The following BAIAP2 variants were observed in gnomAD, a reference collection of about 807,000 sequenced individuals.
The protein encoded by BAIAP2 is BAR/IMD domain containing adaptor protein 2.
A neutral mutation model predicts 63.0 loss-of-function variants in BAIAP2; 18 were observed. That is an observed-to-expected ratio of 0.29 (90% confidence interval 0.20 to 0.42). The LOEUF (loss-of-function observed/expected upper bound fraction) is 0.42, where lower values mean the gene tolerates loss of function less well. Ranked by LOEUF, BAIAP2 falls within the 10% of genes least tolerant of loss-of-function variation. BAIAP2 has a pLI of 1.00. For missense variants in BAIAP2, 610 were observed against 734.3 expected, an observed-to-expected ratio of 0.83 and a Z score of 1.96; for synonymous variants, 386 against 307.6, an observed-to-expected ratio of 1.25 and a Z score of -2.67.
In BAIAP2 at chr17:81,053,721, G is replaced by C; in HGVS notation, c.108G>C (p.Lys36Asn). Residue 36 changes from lysine to asparagine, a missense_variant, in exon 2 of 14, where the codon AAG (lysine) becomes AAC (asparagine). Around this residue, in one of 5 missense-constraint regions of BAIAP2, gnomAD observed 389 missense variants for 455.6 expected, o/e 0.85. Transcript: ENST00000428708. ...PSLRNFIAMGKNYEKALAGVT... is the reference protein window; with the variant it reads ...PSLRNFIAMGNNYEKALAGVT... Reference sequence around the variant, plus strand: ...TCCGGAACTTCATCGCCATGGGGAAGAATTACGAGAAGGCACTGGCAGGTG... The same window carrying C: ...TCCGGAACTTCATCGCCATGGGGAACAATTACGAGAAGGCACTGGCAGGTG... 6.2e-7 allele frequency: 1 copy of C among 1,614,172 alleles called. No individual in the cohort carries two copies. Among genetic ancestry groups the C allele is most frequent in the Non-Finnish European group, 8.5e-7 (1 of 1,180,002 alleles).
intron 3 of BAIAP2, among the ~76,000 whole-genome samples, chr17:81,063,265 A>G (rs1344252633): frequency 1.3e-5 from 2 of 152,104 alleles, no homozygotes; most frequent in Non-Finnish European, 2.9e-5. Flanking sequence ...CCTTGTAGAG[A>G]TTCCAGGCTT....
chr17:81,105,365 C>T (rs2059051431), intron 10 of BAIAP2: 1 of 153,866 alleles, frequency 6.5e-6, no homozygotes, highest in Non-Finnish European at 1.4e-5. Flanking sequence ...TGGTGGGCAT[C>T]AGTTTCCCAC....
intron 6 of BAIAP2, among the ~76,000 whole-genome samples, chr17:81,092,434 G>A (rs1269041236): frequency 2.0e-5 from 3 of 152,328 alleles, no homozygotes; most frequent in African/African-American, 7.2e-5. Flanking sequence ...GGGAGGGGTG[G>A]GCGTGAGGTT....
rs375061502 is a variant in BAIAP2, at chr17:81,060,851, G to A, written c.217+2884G>A. On this transcript the variant is annotated intron_variant, in intron 3 of 13. Transcript: ENST00000428708. ...CTCTACCTCCAACAGGGCCGGGCGC[G>A]GTGGCTCACACCTGTAATCCTAGCA... 9.9e-5 allele frequency among the ~76,000 whole-genome samples: 15 copies of A among 152,142 alleles called. No individual in the cohort carries two copies. In the South Asian group the frequency reaches 1.5e-3, roughly 15 times the overall value.
At chr17:81,101,269 G>A (rs1001324491) in intron 7 of BAIAP2, among the ~76,000 whole-genome samples, 6 of 152,206 alleles carry the variant, frequency 3.9e-5, no homozygotes, top group East Asian at 1.9e-4. Flanking sequence ...CCTCAGGGAC[G>A]GGCTGCAGCA....
At chr17:81,056,628 G>C (rs1188407511) in intron 2 of BAIAP2, among the ~76,000 whole-genome samples, 1 of 152,204 alleles carries the variant, frequency 6.6e-6, no homozygotes, top group African/African-American at 2.4e-5. Flanking sequence ...GGTTCCGTTC[G>C]GGCCTTTCCG....
chr17:81,041,514 T>G (rs962811710), intron 1 of BAIAP2, among the ~76,000 whole-genome samples: 1 of 152,180 alleles, frequency 6.6e-6, no homozygotes, highest in African/African-American at 2.4e-5. Context: ...ACTGGAACAG[T>G]TGTCTTATAA....
intron 3 of BAIAP2, among the ~76,000 whole-genome samples, chr17:81,081,138 G>A (rs1183400142): frequency 6.6e-6 from 1 of 152,216 alleles, no homozygotes; most frequent in Non-Finnish European, 1.5e-5. Context: ...CCGAGAGCTG[G>A]GAGGTGGATC....
chr17:81,089,794 G>A (rs57964092), intron 6 of BAIAP2, among the ~76,000 whole-genome samples: 32,773 of 152,132 alleles, frequency 0.22, 4,122 homozygotes, highest in East Asian at 0.49. Flanking sequence ...GGGTCTGGGC[G>A]GGGACCATGT....
chr17:81,114,378 A>T (rs1252572865), intron 13 of BAIAP2, among the ~76,000 whole-genome samples: 1 of 152,092 alleles, frequency 6.6e-6, no homozygotes, highest in Admixed American at 6.5e-5. Flanking sequence ...TGGCAGGCAG[A>T]CAGGGCATGG....
chr17:81,104,802 G>A (rs2058924160), intron 10 of BAIAP2, 87 bp downstream of exon 10: 2 of 1,364,712 alleles, frequency 1.5e-6, no homozygotes, highest in East Asian at 5.1e-5. Flanking sequence ...CTGAGACCTT[G>A]TGTTTAGAGT....
At chr17:81,044,215 G>A (rs958351907) in intron 1 of BAIAP2, among the ~76,000 whole-genome samples, 1 of 152,244 alleles carries the variant, frequency 6.6e-6, no homozygotes, top group African/African-American at 2.4e-5. Flanking sequence ...CCAGCCGTGA[G>A]CCCAGCCCGA....
intron 5 of BAIAP2, 151 bp downstream of exon 5, chr17:81,085,876 G>A (rs1030679185): frequency 7.7e-6 from 5 of 649,154 alleles, no homozygotes; most frequent in Non-Finnish European, 1.3e-5. Context: ...GTCCATTTGG[G>A]ACCGAGTGCC....
chr17:81,106,175 G>A (rs1159019670), intron 11 of BAIAP2, 29 bp downstream of exon 11: 2 of 1,559,438 alleles, frequency 1.3e-6, no homozygotes, highest in Non-Finnish European at 1.7e-6. Context: ...GGGAGTGTAA[G>A]ATCCCCAGCT....
intron 1 of BAIAP2, among the ~76,000 whole-genome samples, chr17:81,044,493 G>C (rs1414800663): frequency 6.6e-6 from 1 of 152,242 alleles, no homozygotes; most frequent in African/African-American, 2.4e-5. Flanking sequence ...CCGCCCTAGT[G>C]ACCCCAGTTA....
At chr17:81,085,103 C>A in intron 4 of BAIAP2, 1 of 599,992 alleles carries the variant, frequency 1.7e-6, no homozygotes, top group Non-Finnish European at 3.0e-6. Flanking sequence ...GCATGTTTCA[C>A]TGGCTGCAGT....
In BAIAP2 at chr17:81,115,987, T is replaced by G. The variant is rs1274203045; in HGVS notation, c.*148T>G. The G allele has an allele frequency of 1.3e-6, 2 of 1,485,994 alleles. No individual in the cohort carries two copies. The highest frequency in any genetic ancestry group is 1.8e-6 in the Non-Finnish European group (2 of 1,118,830). 92.1% of individuals were successfully genotyped at this position (1,485,994 alleles called of 1,614,324 possible). The stretch of plus-strand genomic sequence containing the variant: ...CCACTTGAGTCTGGCCTGGACTGGA[T>G]CCCAGCTGTTCTAGGCAGGGCCGGG... On this transcript the variant is annotated 3_prime_UTR_variant, in exon 14 of 14. Coordinates refer to ENST00000428708, the MANE Select transcript of BAIAP2 (RefSeq NM_001144888.2).
intron 6 of BAIAP2, among the ~76,000 whole-genome samples, chr17:81,099,133 G>A (rs1294145059): frequency 2.6e-5 from 1 of 38,518 alleles, no homozygotes; most frequent in Non-Finnish European, 5.2e-5. Flanking sequence ...GGCGTGACCT[G>A]TGGATCTGAT....
intron 2 of BAIAP2, among the ~76,000 whole-genome samples, chr17:81,054,892 G>T (rs2049217229): frequency 6.6e-6 from 1 of 152,160 alleles, no homozygotes; most frequent in Admixed American, 6.5e-5. Flanking sequence ...CCCCGCAGGT[G>T]CCCTTGGCTG....
Sources: allele counts gnomAD v4.1 joint callset (sites outside exome capture counted in the v4.1 genomes callset), GRCh38; gene constraint gnomAD v4.1.1; regional missense constraint gnomAD v4.1.1; transcripts MANE v1.5; gene names NCBI Gene and HGNC (gene_info 2026-07-23, HGNC 2026-07-21).